The following NLK variants were observed in gnomAD, a reference collection of about 807,000 sequenced individuals.
NLK encodes nemo like kinase.
In NLK, 11 loss-of-function variants were observed where a neutral mutation model predicts 59.0. The observed-to-expected ratio is 0.19, with a 90% CI of 0.12 to 0.31. The LOEUF (loss-of-function observed/expected upper bound fraction) is 0.31. NLK is among the 10% of genes least tolerant of loss of function. NLK has a pLI of 1.00. For synonymous variants in NLK, 235 were observed against 235.9 expected (o/e 1.00, Z 0.03); for missense variants, 410 against 661.1 (o/e 0.62, Z 4.16).
intron 3 of NLK, among the ~76,000 whole-genome samples, chr17:28,157,068 G>T (rs1907781290): frequency 6.6e-6 from 1 of 152,128 alleles, no homozygotes; most frequent in African/African-American, 2.4e-5. Flanking sequence ...CCAGGCTGGA[G>T]TGCAGTGGCA....
At position 28,163,668 on chromosome 17, in the gene NLK, A is replaced by G. The variant is rs372184003; in HGVS notation, c.837+40A>G. On this transcript the variant is annotated intron_variant, in intron 5 of 10. Transcript: ENST00000407008. ...TATTTAAATACCTGGGAAAAATCAGAATGTCAGGGCAGGTTTAAGAACAAC... is the reference window on the plus strand; with the variant it reads ...TATTTAAATACCTGGGAAAAATCAGGATGTCAGGGCAGGTTTAAGAACAAC... The G allele has an allele frequency of 3.0e-4, 343 of 1,162,336 alleles. 2 individuals carry two copies. In the Middle Eastern group the frequency reaches 6.0e-3, roughly 20 times the overall value. 72.0% of individuals were successfully genotyped at this position (1,162,336 alleles called of 1,614,324 possible). A position where few individuals can be genotyped will look rare whatever the true frequency, so the allele number is the denominator to read the frequency against.
intron 7 of NLK, among the ~76,000 whole-genome samples, chr17:28,181,446 G>A (rs767084716): frequency 2.1e-4 from 32 of 151,984 alleles, no homozygotes; most frequent in Admixed American, 1.0e-3. Flanking sequence ...GCACATGCCT[G>A]TAGTCCCAGC....
At chr17:28,086,276 C>A (rs1910513801) in intron 1 of NLK, among the ~76,000 whole-genome samples, 1 of 152,118 alleles carries the variant, frequency 6.6e-6, no homozygotes, top group South Asian at 2.1e-4. Flanking sequence ...TACTAGTTTC[C>A]TTTTAATGAT....
intron 7 of NLK, among the ~76,000 whole-genome samples, chr17:28,177,603 A>G (rs1209623471): frequency 2.6e-5 from 4 of 152,164 alleles, no homozygotes; most frequent in Non-Finnish European, 5.9e-5. Context: ...GATTTCCCCA[A>G]GTGTTTGCAA....
chr17:28,042,966 TCACCAC>T lies in NLK; in HGVS notation c.98_103del (p.His33_His34del), dbSNP rs754095524. ...CAGCAGCAGGTCACCACCACCACCA[TCACCAC>T]CACCTTCCACACCTCCCTCCTCCTC... On this transcript the variant is annotated inframe_deletion, in exon 1 of 11. Coordinates refer to ENST00000407008, the MANE Select transcript of NLK (RefSeq NM_016231.5). 27 of 1,552,318 alleles carry T rather than the reference TCACCAC, an allele frequency of 1.7e-5. No homozygotes were observed. In the African/African-American group the frequency reaches 2.7e-4, roughly 16 times the overall value.
Position 28,074,059 on chromosome 17 carries a change from C to T in NLK, c.458+30728C>T, listed in dbSNP as rs34685684. 8.0e-3 allele frequency among the ~76,000 whole-genome samples: 1,222 copies of T among 152,254 alleles called. 16 individuals carry two copies. Among genetic ancestry groups the T allele is most frequent in the African/African-American group, 0.028 (1,156 of 41,542 alleles). The stretch of plus-strand genomic sequence containing the variant: ...TAAAGCAATTAAAGCTTATTCAACA[C>T]GTTGAAGATAAAATAATTTTATTTG... On this transcript the variant is annotated intron_variant, in intron 1 of 10. Coordinates refer to ENST00000407008, the MANE Select transcript of NLK (RefSeq NM_016231.5).
intron 2 of NLK, among the ~76,000 whole-genome samples, chr17:28,131,586 T>TAAAAAAA (rs35804817): frequency 7.2e-5 from 6 of 83,728 alleles, no homozygotes; most frequent in African/African-American, 1.4e-4. Flanking sequence ...TTCTCTGTAG[T>TAAAAAAA]AAAAAAAAAA....
intron 5 of NLK, 74 bp downstream of exon 5, chr17:28,163,702 G>A (rs1370385632): frequency 6.0e-5 from 53 of 886,300 alleles, no homozygotes; most frequent in Non-Finnish European, 8.5e-5. Flanking sequence ...ACATATTTTT[G>A]TGAAAGAAAG....
At chr17:28,055,095 CTTTT>C (rs1041966713) in intron 1 of NLK, among the ~76,000 whole-genome samples, 1 of 132,126 alleles carries the variant, frequency 7.6e-6, no homozygotes, top group Non-Finnish European at 1.6e-5. Context: ...ATTTTTTTTT[CTTTT>C]TTTTTTTTTT....
chr17:28,092,421 C>T (rs572045460), intron 1 of NLK, among the ~76,000 whole-genome samples: 2 of 152,306 alleles, frequency 1.3e-5, no homozygotes, highest in Admixed American at 1.3e-4. Flanking sequence ...AGAACATTTA[C>T]TTAATAGGTG....
intron 8 of NLK, among the ~76,000 whole-genome samples, chr17:28,187,920 C>T (rs936870281): frequency 1.3e-5 from 2 of 152,132 alleles, no homozygotes; most frequent in African/African-American, 2.4e-5. Context: ...AGAAATTAGG[C>T]TGAGCATAGG....
At chr17:28,132,786 A>C (rs779717519) in intron 3 of NLK, 111 bp downstream of exon 3, 28 of 907,192 alleles carry the variant, frequency 3.1e-5, no homozygotes, top group Non-Finnish European at 4.1e-5. Context: ...ATCCTTGCAG[A>C]AGTGATTGAG....
At chr17:28,135,755 C>T (rs994384496) in intron 3 of NLK, among the ~76,000 whole-genome samples, 2 of 152,172 alleles carry the variant, frequency 1.3e-5, no homozygotes, top group African/African-American at 2.4e-5. Flanking sequence ...TCATTGAACA[C>T]TTAGTTAATT....
intron 7 of NLK, among the ~76,000 whole-genome samples, chr17:28,175,142 T>C (rs1677685730): frequency 6.6e-6 from 1 of 152,046 alleles, no homozygotes; most frequent in Non-Finnish European, 1.5e-5. Flanking sequence ...CTCTGGACTG[T>C]AGTGATTAAG....
At chr17:28,050,126 C>A in intron 1 of NLK, among the ~76,000 whole-genome samples, 1 of 152,170 alleles carries the variant, frequency 6.6e-6, no homozygotes, top group East Asian at 1.9e-4. Context: ...TATTATAATT[C>A]ATTGCCATAA....
At chr17:28,179,851 G>T (rs1379518545) in intron 7 of NLK, among the ~76,000 whole-genome samples, 2 of 147,564 alleles carry the variant, frequency 1.4e-5, no homozygotes, top group African/African-American at 5.0e-5. Context: ...CAGTTCTAGG[G>T]CATATTTCTA....
chr17:28,097,030 A>T (rs1904725344), intron 1 of NLK, among the ~76,000 whole-genome samples: 1 of 151,948 alleles, frequency 6.6e-6, no homozygotes, highest in Non-Finnish European at 1.5e-5. Context: ...CATCACCACC[A>T]CCTCTAGCCA....
intron 6 of NLK, among the ~76,000 whole-genome samples, chr17:28,171,558 C>G (rs909351359): frequency 2.0e-5 from 3 of 152,190 alleles, no homozygotes; most frequent in Non-Finnish European, 2.9e-5. Flanking sequence ...TCACAGTTTT[C>G]TGCCAGCGTA....
downstream of NLK, among the ~76,000 whole-genome samples, chr17:28,200,430 T>G (rs1909599831): frequency 6.6e-6 from 1 of 152,234 alleles, no homozygotes; most frequent in Admixed American, 6.5e-5. Context: ...GTGTTAAAAC[T>G]CATAAAGCTG....
Sources: gnomAD v4.1 joint callset for allele counts (sites outside exome capture counted in the v4.1 genomes callset) on GRCh38, gnomAD v4.1.1 for gene constraint, MANE v1.5 for transcripts, NCBI Gene and HGNC (gene_info 2026-07-23, HGNC 2026-07-21) for gene names.